Variants in BUB1B observed in about 807,000 individuals in gnomAD.
BUB1B encodes BUB1 mitotic checkpoint serine/threonine kinase B.
Under a neutral mutation model 137.7 loss-of-function variants are expected in BUB1B, and 86 were observed. That is an observed-to-expected ratio of 0.62 (90% CI 0.52 to 0.75). The LOEUF (loss-of-function observed/expected upper bound fraction) is 0.75. Ranked by LOEUF, BUB1B falls within the 30% of genes least tolerant of loss-of-function variation. The pLI, the probability that BUB1B is intolerant of heterozygous loss-of-function variation, is 0.00. For missense variants in BUB1B, 1,130 were observed against 1,236.9 expected, an observed-to-expected ratio of 0.91 and a Z score of 1.30; for synonymous variants, 420 against 417.9, an observed-to-expected ratio of 1.00 and a Z score of -0.06.
chr15:40,164,909 T>C, intron 1 of BUB1B, 144 bp from the exon 2 acceptor site: 1 of 1,030,178 alleles, frequency 9.7e-7, no homozygotes, highest in Non-Finnish European at 1.4e-6. Context: ...AGCTTAGGCA[T>C]ATAATAATAA....
intron 4 of BUB1B, among the ~76,000 whole-genome samples, chr15:40,172,741 T>G (rs1182450209): frequency 6.6e-6 from 1 of 152,136 alleles, no homozygotes; most frequent in East Asian, 1.9e-4. Context: ...ATTAGGTAAA[T>G]CCTGAAGCCA....
At chr15:40,204,219 T>C (rs936489813) in intron 14 of BUB1B, among the ~76,000 whole-genome samples, 1 of 152,320 alleles carries the variant, frequency 6.6e-6, no homozygotes, top group African/African-American at 2.4e-5. Flanking sequence ...AGTCCAAGCA[T>C]GTATTTTTGT....
In BUB1B at chr15:40,165,199, G is replaced by A. The variant is rs2140878576; in HGVS notation, c.179+3G>A. On this transcript the variant is annotated splice_donor_region_variant and intron_variant, in intron 2 of 22. Transcript: ENST00000287598. ...AATACTCTTCAGCAGCAGAAACGGTGTGTAGAATGGCTGAGTCTCAACCTG... is the reference window on the plus strand; with the variant it reads ...AATACTCTTCAGCAGCAGAAACGGTATGTAGAATGGCTGAGTCTCAACCTG... The A allele has an allele frequency of 1.2e-6, 2 of 1,614,216 alleles. No individual in the cohort carries two copies. Among genetic ancestry groups the A allele is most frequent in the Non-Finnish European group, 1.7e-6 (2 of 1,180,032 alleles).
chr15:40,194,316 T>G (rs532818198), intron 8 of BUB1B, among the ~76,000 whole-genome samples: 1 of 152,334 alleles, frequency 6.6e-6, no homozygotes, highest in African/African-American at 2.4e-5. Flanking sequence ...CCATCTGGAC[T>G]CCTTTTCTTT....
chr15:40,194,497 G>T (rs2037475032), intron 8 of BUB1B, among the ~76,000 whole-genome samples: 1 of 152,208 alleles, frequency 6.6e-6, no homozygotes, highest in Non-Finnish European at 1.5e-5. Flanking sequence ...AGCAGGTTGA[G>T]CAAGTTGGGG....
At chr15:40,182,692 A>G (rs572135419) in intron 5 of BUB1B, among the ~76,000 whole-genome samples, 15 of 152,250 alleles carry the variant, frequency 9.9e-5, no homozygotes, top group Non-Finnish European at 8.8e-5. Flanking sequence ...GAATTAGGAG[A>G]TCCTCTTGTT....
intron 2 of BUB1B, among the ~76,000 whole-genome samples, chr15:40,169,639 A>T (rs1234363273): frequency 2.7e-5 from 3 of 112,868 alleles, no homozygotes; most frequent in African/African-American, 1.0e-4. Flanking sequence ...TTTGAGACAG[A>T]GTCTTGCTTT....
At chr15:40,209,533 G>A in intron 16 of BUB1B, 102 bp from the exon 17 acceptor site, 1 of 1,373,784 alleles carries the variant, frequency 7.3e-7, no homozygotes, top group South Asian at 1.2e-5. Flanking sequence ...AGTGCTGACT[G>A]TGTAATCTTG....
chr15:40,170,616 G>T lies in BUB1B; in HGVS notation c.319G>T (p.Glu107Ter). The T allele has an allele frequency of 6.2e-7, 1 of 1,613,406 alleles. No homozygotes were observed. Among genetic ancestry groups the T allele is most frequent in the Non-Finnish European group, 8.5e-7 (1 of 1,179,422 alleles). The change falls in exon 4 of 23, where the codon GAA (glutamate) becomes TAA (stop). Residue 107 changes from glutamate to a stop codon, truncating the protein, a stop_gained. Transcript: ENST00000287598. LOFTEE classifies it high-confidence loss of function. ...NMSTLLERAV[E>*]ALQGEKRYYS... ...GTCAACGTTATTAGAAAGAGCTGTA[G>T]AAGCACTACAAGGAGAAAAACGATA...
intron 5 of BUB1B, among the ~76,000 whole-genome samples, chr15:40,177,713 A>G (rs143293218): frequency 6.6e-6 from 1 of 151,940 alleles, no homozygotes; most frequent in African/African-American, 2.4e-5. Context: ...TTGACTTTCT[A>G]TATAAGTTTT....
At chr15:40,210,538 C>A (rs536605201) in intron 18 of BUB1B, among the ~76,000 whole-genome samples, 1 of 152,056 alleles carries the variant, frequency 6.6e-6, no homozygotes, top group Non-Finnish European at 1.5e-5. Flanking sequence ...TTAAAGGACA[C>A]GGTCTCTGTC....
chr15:40,206,217 G>T lies in BUB1B; in HGVS notation c.1768G>T (p.Asp590Tyr), dbSNP rs1305914904. The T allele has an allele frequency of 5.6e-6, 9 of 1,614,178 alleles. No individual in the cohort carries two copies. Among genetic ancestry groups the T allele is most frequent in the Non-Finnish European group, 6.8e-6 (8 of 1,180,034 alleles). The change falls in exon 15 of 23, where the codon GAT becomes TAT. Residue 590 changes from aspartate (D) to tyrosine (Y), a missense_variant. Asp to Tyr is a radical substitution (Grantham distance 160). Coordinates refer to ENST00000287598, the MANE Select transcript of BUB1B (RefSeq NM_001211.6). ...TACAGGAATTGAACCCTTGAGCGAGGATGCCATTATCACAGGCTTCAGAAA... is the reference window on the plus strand; with the variant it reads ...TACAGGAATTGAACCCTTGAGCGAGTATGCCATTATCACAGGCTTCAGAAA... ...EFTGIEPLSE[D>Y]AIITGFRNVT...
Position 40,202,412 on chromosome 15 carries a change from T to G in BUB1B, c.1575T>G (p.Ser525Arg). 1 of 1,610,196 alleles carries G rather than the reference T, an allele frequency of 6.2e-7. No individual in the cohort carries two copies. ...TAGTCTCTCTTTCTCTAGGTCCCAG[T>G]GTACCTTTCTCCATTTTTGATGAGT... ...WQEQPHSKGP[S>R]VPFSIFDEFL... The change falls in exon 13 of 23, where the codon AGT becomes AGG. Residue 525 changes from serine to arginine, a missense_variant. By Grantham distance (110) the Ser-to-Arg change is moderately radical. Transcript: ENST00000287598.
At chr15:40,179,470 T>C (rs1433835689) in intron 5 of BUB1B, among the ~76,000 whole-genome samples, 3 of 152,204 alleles carry the variant, frequency 2.0e-5, no homozygotes, top group Admixed American at 6.5e-5. Flanking sequence ...GTGACACTTA[T>C]GTTAATTAGC....
Position 40,220,550 on chromosome 15 carries a change from T to G in BUB1B, c.2958-14T>G. ...ATGCCTAATCTTGATGGAAATGGTT[T>G]TATATATTTTTAGGCTAAAAGATGG... On this transcript the variant is annotated splice_polypyrimidine_tract_variant and intron_variant, in intron 22 of 22. Coordinates refer to ENST00000287598, the MANE Select transcript of BUB1B (RefSeq NM_001211.6). The G allele has an allele frequency of 6.2e-7, 1 of 1,613,682 alleles. No individual in the cohort carries two copies. The highest frequency in any genetic ancestry group is 8.5e-7 in the Non-Finnish European group (1 of 1,179,576).
intron 2 of BUB1B, among the ~76,000 whole-genome samples, chr15:40,169,146 T>C (rs1456759326): frequency 1.3e-5 from 2 of 152,344 alleles, no homozygotes; most frequent in African/African-American, 4.8e-5. Flanking sequence ...CTATTCTAAC[T>C]GGTCAGTCTT....
intron 18 of BUB1B, among the ~76,000 whole-genome samples, chr15:40,210,715 A>G (rs986637688): frequency 2.0e-5 from 3 of 152,076 alleles, no homozygotes; most frequent in African/African-American, 7.2e-5. Flanking sequence ...TGTGTTGCCT[A>G]GGCTGGTCTT....
At position 40,206,275 on chromosome 15, in the gene BUB1B, G is replaced by T. The variant is rs1260445282; in HGVS notation, c.1826G>T (p.Cys609Phe). ...VTICPNPEDT[C>F]DFARAARFVS... is the part of the protein sequence containing the mutation. ...ATTTGTCCTAACCCAGAAGACACTT[G>T]TGACTTTGCCAGAGCAGCTCGTTTT... The change falls in exon 15 of 23, where the codon TGT (cysteine) becomes TTT (phenylalanine). Residue 609 changes from cysteine (C) to phenylalanine (F), a missense_variant. Coordinates refer to ENST00000287598, the MANE Select transcript of BUB1B (RefSeq NM_001211.6). 1.3e-5 allele frequency: 21 copies of T among 1,614,052 alleles called. No homozygotes were observed. The highest frequency in any genetic ancestry group is 1.7e-5 in the Non-Finnish European group (20 of 1,180,032).
chr15:40,168,615 G>A (rs975693336), intron 2 of BUB1B, among the ~76,000 whole-genome samples: 1 of 152,112 alleles, frequency 6.6e-6, no homozygotes, highest in African/African-American at 2.4e-5. Flanking sequence ...TAATCTTTCT[G>A]AAATCTTATA....
Sources: allele counts gnomAD v4.1 joint callset (sites outside exome capture counted in the v4.1 genomes callset), GRCh38; gene constraint gnomAD v4.1.1; transcripts MANE v1.5; gene names NCBI Gene and HGNC (gene_info 2026-07-23, HGNC 2026-07-21).